The following ARHGEF10L variants were observed in gnomAD, a reference collection of about 807,000 sequenced individuals.
The protein encoded by ARHGEF10L is rho guanine nucleotide exchange factor 10-like protein.
A neutral mutation model predicts 141.2 loss-of-function variants in ARHGEF10L; 69 were observed. The ratio of observed to expected loss-of-function variants is 0.49; its 90% CI spans 0.40 to 0.60. ARHGEF10L has a LOEUF of 0.60. Ranked by LOEUF, ARHGEF10L falls within the 20% of genes least tolerant of loss-of-function variation. The pLI, the probability that ARHGEF10L is intolerant of heterozygous loss-of-function variation, is 0.00. For missense variants in ARHGEF10L, 1,482 were observed against 1,734.3 expected (o/e 0.85, Z 2.58); for synonymous variants, 711 against 718.5 (o/e 0.99, Z 0.17).
chr1:17,687,195 T>G (rs1302488916), intron 26 of ARHGEF10L, among the ~76,000 whole-genome samples: 1 of 152,222 alleles, frequency 6.6e-6, no homozygotes, highest in Non-Finnish European at 1.5e-5. Context: ...AAGGTAAAGC[T>G]CTGAGGGGCC....
At chr1:17,549,126 G>A (rs1446564429) in intron 1 of ARHGEF10L, among the ~76,000 whole-genome samples, 1 of 149,486 alleles carries the variant, frequency 6.7e-6, no homozygotes, top group Non-Finnish European at 1.5e-5. Flanking sequence ...GGGTTCGAGC[G>A]ATTCTCCAGC....
the ARHGEF10L span, among the ~76,000 whole-genome samples, chr1:17,531,031 A>C: frequency 5.9e-5 from 9 of 152,172 alleles, no homozygotes; most frequent in Non-Finnish European, 1.3e-4. Context: ...AAAAATAAAA[A>C]AAAGAAAAAA....
chr1:17,602,076 C>CT, intron 4 of ARHGEF10L, 51 bp from the exon 5 acceptor site: 1 of 1,457,596 alleles, frequency 6.9e-7, no homozygotes, highest in South Asian at 1.4e-5. Flanking sequence ...CTGCCAGAGG[C>CT]TTCTGGGAGC....
At chr1:17,538,743 A>T (rs992379631), upstream of ARHGEF10L, among the ~76,000 whole-genome samples, 1 of 151,850 alleles carries the variant, frequency 6.6e-6, no homozygotes, top group Non-Finnish European at 1.5e-5. Context: ...TGTAAGGAAC[A>T]CAAGCTGAAA....
At chr1:17,582,248 A>G (rs1570604335) in intron 2 of ARHGEF10L, among the ~76,000 whole-genome samples, 3 of 152,216 alleles carry the variant, frequency 2.0e-5, no homozygotes, top group African/African-American at 4.8e-5. Context: ...CCCTGCTGCC[A>G]TGGGCACCTG....
intron 22 of ARHGEF10L, among the ~76,000 whole-genome samples, chr1:17,653,577 G>A (rs2062057157): frequency 6.6e-6 from 1 of 152,244 alleles, no homozygotes; most frequent in Non-Finnish European, 1.5e-5. Context: ...AGAGAAGACA[G>A]GGAGCCCAGA....
intron 21 of ARHGEF10L, 22 bp from the exon 22 acceptor site, chr1:17,648,532 C>A (rs1022758347): frequency 3.1e-5 from 50 of 1,612,824 alleles, no homozygotes; most frequent in Non-Finnish European, 4.2e-5. Context: ...CAGCTCTACC[C>A]ACCTCCTTCC....
rs1298013103 is a variant in ARHGEF10L at position 17,664,444 on chromosome 1, CAGG to C, written c.2862_2864del (p.Gly955del). On this transcript the variant is annotated splice_acceptor_variant and coding_sequence_variant, in exon 26 of 29. Coordinates refer to ENST00000361221, the MANE Select transcript of ARHGEF10L (RefSeq NM_018125.4). LOFTEE classifies it high-confidence loss of function. ...CTGACCTGCCTCCCCTCTCTCCCTG[CAGG>C]AGGTGTCCTGTGGGACCTGGAGAGC... The C allele has an allele frequency of 2.5e-6, 4 of 1,601,894 alleles. No homozygotes were observed. In the Admixed American group the frequency reaches 6.7e-5, roughly 27 times the overall value.
rs189657645 is a variant in ARHGEF10L, at chr1:17,628,143, G to C, written c.1584+640G>C. Reference sequence around the variant, plus strand: ...ACCTGAGGTCAGGAGTTCGAGACCAGCCTGGCCAACATGGTGAAACCTTGT... The same window carrying C: ...ACCTGAGGTCAGGAGTTCGAGACCACCCTGGCCAACATGGTGAAACCTTGT... On this transcript the variant is annotated intron_variant, in intron 15 of 28. Coordinates refer to ENST00000361221, the MANE Select transcript of ARHGEF10L (RefSeq NM_018125.4). Among the ~76,000 whole-genome samples, 429 of 152,178 alleles carry C rather than the reference G, an allele frequency of 2.8e-3. 1 individual carries two copies. Among genetic ancestry groups the C allele is most frequent in the African/African-American group, 9.8e-3 (407 of 41,506 alleles).
intron 2 of ARHGEF10L, 138 bp downstream of exon 2, chr1:17,580,770 C>G: frequency 1.0e-6 from 1 of 989,932 alleles, no homozygotes; most frequent in South Asian, 1.4e-5. Context: ...CTGCCTGGGC[C>G]GCATCCTCTA....
chr1:17,535,928 G>A (rs541324743), upstream of ARHGEF10L, among the ~76,000 whole-genome samples: 2 of 152,202 alleles, frequency 1.3e-5, no homozygotes, highest in Admixed American at 6.5e-5. Context: ...CACAGTCCGG[G>A]GGGGAGACAT....
At position 17,573,454 on chromosome 1, in the gene ARHGEF10L, G is replaced by A. The variant is rs1023198085; in HGVS notation, c.-43-7099G>A. On this transcript the variant is annotated intron_variant, in intron 1 of 28. Transcript: ENST00000361221. The surrounding 1 kb of genome is among the most constrained non-coding windows in gnomAD (Gnocchi z 4.8). ...TGGGGCTGAGGGTCTGGGGTTCTCT[G>A]GAGAAGAGGGGGGTCAGTTCAGCTG... Among the ~76,000 whole-genome samples, 3 of 152,228 alleles carry A rather than the reference G, an allele frequency of 2.0e-5. No individual in the cohort carries two copies. Among genetic ancestry groups the A allele is most frequent in the African/African-American group, 7.2e-5 (3 of 41,454 alleles).
At chr1:17,634,653 G>A (rs543023436) in intron 17 of ARHGEF10L, 91 bp downstream of exon 17, 2 of 1,547,262 alleles carry the variant, frequency 1.3e-6, no homozygotes, top group African/African-American at 2.8e-5. Context: ...TGGGGCCTGG[G>A]CGCCTGGTGC....
At chr1:17,691,940 C>T (rs1210014089) in intron 27 of ARHGEF10L, among the ~76,000 whole-genome samples, 1 of 152,166 alleles carries the variant, frequency 6.6e-6, no homozygotes, top group Non-Finnish European at 1.5e-5. Flanking sequence ...ACCATGAGCA[C>T]ACAGATAAGT....
At position 17,558,871 on chromosome 1, in the gene ARHGEF10L, G is replaced by T. The variant is rs978849562; in HGVS notation, c.-44+18921G>T. 1.3e-5 allele frequency among the ~76,000 whole-genome samples: 2 copies of T among 152,220 alleles called. No individual in the cohort carries two copies. The highest frequency in any genetic ancestry group is 2.9e-5 in the Non-Finnish European group (2 of 68,032). Reference sequence around the variant, plus strand: ...CTGTGCCACAGGCTCCCTGGGCTGGGCAGGGAGAATGGTGGGGAGGGCTGA... The same window carrying T: ...CTGTGCCACAGGCTCCCTGGGCTGGTCAGGGAGAATGGTGGGGAGGGCTGA... On this transcript the variant is annotated intron_variant, in intron 1 of 28. Coordinates refer to ENST00000361221, the MANE Select transcript of ARHGEF10L (RefSeq NM_018125.4). This position sits in a 1 kb window ranked among gnomAD's most constrained non-coding sequence, Gnocchi z 4.2.
rs1301154272 is a variant in ARHGEF10L at position 17,644,007 on chromosome 1, A to T, written c.2272+3705A>T. On this transcript the variant is annotated intron_variant, in intron 21 of 28. Transcript: ENST00000361221. This position sits in a 1 kb window ranked among gnomAD's most constrained non-coding sequence, Gnocchi z 4.5. ...TTTCCCTCCTGTACCCTCCCCCGCC[A>T]CCACCTGCTCTGCTCACAAAGCTGC... Among the ~76,000 whole-genome samples the T allele has an allele frequency of 6.6e-6, 1 of 151,976 alleles. No homozygotes were observed. Among genetic ancestry groups the T allele is most frequent in the African/African-American group, 2.4e-5 (1 of 41,378 alleles).
At chr1:17,608,034 A>G in intron 7 of ARHGEF10L, 57 bp downstream of exon 7, 2 of 266,348 alleles carry the variant, frequency 7.5e-6, no homozygotes, top group South Asian at 3.0e-5. Flanking sequence ...CCCTTCAGGG[A>G]GGGAGGGAGG....
chr1:17,553,469 C>CAGTGAA (rs2077189880), intron 1 of ARHGEF10L, among the ~76,000 whole-genome samples: 1 of 152,080 alleles, frequency 6.6e-6, no homozygotes, highest in African/African-American at 2.4e-5. Context: ...GGAAACAATT[C>CAGTGAA]AGTGAACCCT....
At chr1:17,618,345 A>C (rs1476227111) in intron 9 of ARHGEF10L, 8 of 1,534,412 alleles carry the variant, frequency 5.2e-6, no homozygotes, top group Non-Finnish European at 7.0e-6. Context: ...CTCGAATCAC[A>C]GGCCAAGAAT....
Sources: allele counts gnomAD v4.1 joint callset (sites outside exome capture counted in the v4.1 genomes callset), GRCh38; gene constraint gnomAD v4.1.1; non-coding constraint Gnocchi (gnomAD v3.1); transcripts MANE v1.5; gene names NCBI Gene and HGNC (gene_info 2026-07-23, HGNC 2026-07-21).